HDAC9: variants seen among roughly 807,000 people sequenced by gnomAD.
HDAC9 encodes MEF-2 interacting transcription repressor (MITR) protein.
In HDAC9, 41 loss-of-function variants were observed where a neutral mutation model predicts 139.4. The observed-to-expected ratio is 0.29, with a 90% CI of 0.23 to 0.38. HDAC9 has a LOEUF of 0.38. Among genes scored for constraint, HDAC9 ranks in the 10% least tolerant of loss-of-function variants. The probability of loss-of-function intolerance (pLI) is 1.00; values close to 1 mark genes in which losing one functional copy is unlikely to be tolerated. For missense variants in HDAC9, 1,147 were observed against 1,297.0 expected, an observed-to-expected ratio of 0.88 and a Z score of 1.78; for synonymous variants, 517 against 476.2, an observed-to-expected ratio of 1.09 and a Z score of -1.12.
At chr7:18,231,364 C>T (rs564250320) in intron 2 of HDAC9, among the ~76,000 whole-genome samples, 6 of 152,282 alleles carry the variant, frequency 3.9e-5, no homozygotes, top group African/African-American at 9.6e-5. Context: ...CACTTTACGG[C>T]GATCAAGCTG....
intron 25 of HDAC9, among the ~76,000 whole-genome samples, chr7:18,988,574 C>T (rs141963400): frequency 9.9e-5 from 15 of 151,700 alleles, no homozygotes; most frequent in South Asian, 4.2e-4. Context: ...AGATGTCTAT[C>T]AGGTCCGCTT....
At chr7:18,310,756 G>C (rs1216071599) in intron 1 of HDAC9, among the ~76,000 whole-genome samples, 1 of 150,950 alleles carries the variant, frequency 6.6e-6, no homozygotes, top group East Asian at 1.9e-4. Context: ...TAGAATCAGG[G>C]GAAAGAGAAG....
At chr7:18,968,425 A>T (rs1784024079) in intron 24 of HDAC9, among the ~76,000 whole-genome samples, 1 of 152,124 alleles carries the variant, frequency 6.6e-6, no homozygotes, top group Admixed American at 6.5e-5. Flanking sequence ...AACTATATAC[A>T]GATAGAGATA....
At chr7:18,262,960 A>G (rs1472267882) in intron 2 of HDAC9, among the ~76,000 whole-genome samples, 1 of 152,214 alleles carries the variant, frequency 6.6e-6, no homozygotes, top group Admixed American at 6.5e-5. Context: ...AAAAGACAGC[A>G]TATAGAAAAC....
rs527414028 is a variant in HDAC9, at chr7:18,360,084, T to C, written c.-42+69569T>C. ...CTAAACCCCTCACTTCTTGCTCTTC[T>C]GCTCTTCTTGTTCTAGATTGTTTTC... On this transcript the variant is annotated intron_variant, in intron 1 of 3. Coordinates refer to the HDAC9 transcript ENST00000413509. Among the ~76,000 whole-genome samples the C allele has an allele frequency of 7.9e-5, 12 of 152,358 alleles. No homozygotes were observed. In the South Asian group the frequency reaches 2.3e-3, roughly 29 times the overall value.
intron 12 of HDAC9, among the ~76,000 whole-genome samples, chr7:18,719,049 T>C (rs1784927969): frequency 6.6e-6 from 1 of 152,228 alleles, no homozygotes; most frequent in African/African-American, 2.4e-5. Flanking sequence ...CACAAGCCTA[T>C]CTTTTTTAGA....
chr7:18,304,208 T>A (rs774156880), intron 1 of HDAC9, among the ~76,000 whole-genome samples: 3 of 152,224 alleles, frequency 2.0e-5, no homozygotes, highest in Non-Finnish European at 4.4e-5. Context: ...CTAAGTGCCT[T>A]CTATACACTG....
intron 23 of HDAC9, among the ~76,000 whole-genome samples, chr7:18,943,336 A>G (rs761789707): frequency 2.0e-5 from 3 of 152,100 alleles, no homozygotes; most frequent in Non-Finnish European, 4.4e-5. Context: ...ACTTACCTTA[A>G]TGATTAAACA....
intron 1 of HDAC9, among the ~76,000 whole-genome samples, chr7:18,109,594 T>C (rs1363613098): frequency 6.8e-6 from 1 of 147,358 alleles, no homozygotes; most frequent in African/African-American, 2.5e-5. Flanking sequence ...AGTGCAGCAA[T>C]AAATAAACCT....
Position 18,718,644 on chromosome 7 carries a change from T to A in HDAC9, c.1732-8936T>A, listed in dbSNP as rs114293846. ...GCTAGATAATATTCTATTTTATGGA[T>A]AAAGCGTAATTTTTTTATCCATTTA... On this transcript the variant is annotated intron_variant, in intron 12 of 25. Coordinates refer to ENST00000686413, the MANE Select transcript of HDAC9 (RefSeq NM_178425.4). Among the ~76,000 whole-genome samples, 734 of 152,332 alleles carry A rather than the reference T, an allele frequency of 4.8e-3. 8 individuals are homozygous for A. The highest frequency in any genetic ancestry group is 0.017 in the African/African-American group (703 of 41,582).
At chr7:18,801,867 T>C (rs1793323133) in intron 17 of HDAC9, among the ~76,000 whole-genome samples, 1 of 152,028 alleles carries the variant, frequency 6.6e-6, no homozygotes, top group South Asian at 2.1e-4. Context: ...ATGAATCCGT[T>C]CATAATATCC....
chr7:18,259,985 C>T (rs796070048), intron 2 of HDAC9, among the ~76,000 whole-genome samples: 23 of 152,216 alleles, frequency 1.5e-4, no homozygotes, highest in African/African-American at 4.3e-4. Flanking sequence ...GTATATTTGT[C>T]TTATATTCCC....
intron 22 of HDAC9, among the ~76,000 whole-genome samples, chr7:18,890,315 A>C (rs1426790907): frequency 1.3e-5 from 2 of 152,232 alleles, no homozygotes; most frequent in Admixed American, 1.3e-4. Flanking sequence ...GCATATAACT[A>C]TCTGACTTTT....
chr7:18,612,549 G>C lies in HDAC9; in HGVS notation c.665-16801G>C, dbSNP rs150205343. 3.0e-3 allele frequency among the ~76,000 whole-genome samples: 461 copies of C among 152,132 alleles called. 1 individual carries two copies. Among genetic ancestry groups the C allele is most frequent in the African/African-American group, 0.01 (434 of 41,530 alleles). On this transcript the variant is annotated intron_variant, in intron 6 of 25. Coordinates refer to ENST00000686413, the MANE Select transcript of HDAC9 (RefSeq NM_178425.4). ...CTGAGGAGTCTCACTGAAGACTCCA[G>C]GGTTGGAAAAGAAGATGAGTAGACA...
At chr7:18,798,754 G>A (rs962658778) in intron 17 of HDAC9, among the ~76,000 whole-genome samples, 7 of 152,278 alleles carry the variant, frequency 4.6e-5, no homozygotes, top group Admixed American at 3.9e-4. Context: ...GCTGCTTGAG[G>A]TGGTGGATAA....
intron 21 of HDAC9, 124 bp downstream of exon 21, chr7:18,836,121 G>A (rs553553668): frequency 3.3e-5 from 19 of 572,002 alleles, no homozygotes; most frequent in African/African-American, 3.2e-4. Context: ...AGCCACATAA[G>A]AATATGTATA....
chr7:18,638,861 A>G (rs536339148), intron 8 of HDAC9, among the ~76,000 whole-genome samples: 20 of 152,140 alleles, frequency 1.3e-4, no homozygotes, highest in African/African-American at 4.8e-4. Flanking sequence ...TGGGGAGCTG[A>G]AACCTCAGGG....
intron 1 of HDAC9, among the ~76,000 whole-genome samples, chr7:18,136,438 T>C (rs1424345977): frequency 6.6e-6 from 1 of 151,772 alleles, no homozygotes; most frequent in Admixed American, 6.6e-5. Context: ...TGGTTTTAGG[T>C]CTAACGTTTA....
intron 21 of HDAC9, among the ~76,000 whole-genome samples, chr7:18,854,121 A>G (rs962882932): frequency 2.6e-5 from 4 of 152,210 alleles, no homozygotes; most frequent in African/African-American, 9.6e-5. Flanking sequence ...TCTATTTTAA[A>G]AATCTTTCTG....
Sources: gnomAD v4.1 joint callset for allele counts (sites outside exome capture counted in the v4.1 genomes callset) on GRCh38, gnomAD v4.1.1 for gene constraint, MANE v1.5 for transcripts, NCBI Gene and HGNC (gene_info 2026-07-23, HGNC 2026-07-21) for gene names.